Variants in JAKMIP1 observed in about 807,000 individuals in gnomAD.
JAKMIP1 encodes the protein janus kinase and microtubule-interacting protein 1.
In JAKMIP1, 33 loss-of-function variants were observed where a neutral mutation model predicts 113.0. The ratio of observed to expected loss-of-function variants is 0.29; its 90% CI spans 0.22 to 0.39. The LOEUF is 0.39. Among genes scored for constraint, JAKMIP1 ranks in the 10% least tolerant of loss-of-function variants. The pLI is 1.00. For synonymous variants in JAKMIP1, 480 were observed against 459.9 expected (o/e 1.04, Z -0.56); for missense variants, 813 against 1,080.5 (o/e 0.75, Z 3.47).
rs548204889 is a variant in JAKMIP1, at chr4:6,160,883, C to G, written c.-148+39370G>C. Among the ~76,000 whole-genome samples, 4 of 151,578 alleles carry G rather than the reference C, an allele frequency of 2.6e-5. No individual in the cohort carries two copies. The East Asian group carries it at 7.9e-4, about 30-fold the overall frequency. On this transcript the variant is annotated intron_variant, in intron 1 of 20. Transcript: ENST00000409021. ...CCTCCACTGACCTCCCCGACCTCCA[C>G]TCGCCTACCCTGACCTCCACTAACC...
In JAKMIP1 at chr4:6,184,484, C is replaced by G. The variant is rs941512614; in HGVS notation, c.-148+15769G>C. Among the ~76,000 whole-genome samples, 4 of 152,156 alleles carry G rather than the reference C, an allele frequency of 2.6e-5. No homozygotes were observed. The highest frequency in any genetic ancestry group is 9.7e-5 in the African/African-American group (4 of 41,426). On this transcript the variant is annotated intron_variant, in intron 1 of 20. Transcript: ENST00000409021. This position sits in a 1 kb window ranked among gnomAD's most constrained non-coding sequence, Gnocchi z 4.5. ...GGCAAGGCAAGTGCAGTATAAGAGC[C>G]AGGGTGCCTTCCCTCTTCCTCAAGA...
chr4:6,121,623 A>G (rs1195463672), intron 1 of JAKMIP1, among the ~76,000 whole-genome samples: 1 of 152,240 alleles, frequency 6.6e-6, no homozygotes, highest in East Asian at 1.9e-4. Context: ...GCACACAGCA[A>G]ACGTGCAGGA....
Position 6,129,239 on chromosome 4 carries a change from C to A in JAKMIP1, c.-147-16242G>T, listed in dbSNP as rs957535068. Among the ~76,000 whole-genome samples, 2 of 152,174 alleles carry A rather than the reference C, an allele frequency of 1.3e-5. No individual in the cohort carries two copies. The highest frequency in any genetic ancestry group is 4.8e-5 in the African/African-American group (2 of 41,450). On this transcript the variant is annotated intron_variant, in intron 1 of 20. Transcript: ENST00000409021. The surrounding 1 kb of genome is among the most constrained non-coding windows in gnomAD (Gnocchi z 5.4). ...TTCCTGATTCCTTGATAAAAATAGT[C>A]CCCCCTTCTGCAGAATCAAGTACAA...
intron 1 of JAKMIP1, among the ~76,000 whole-genome samples, chr4:6,122,275 G>A (rs7676215): frequency 0.051 from 7,820 of 152,214 alleles, 225 homozygotes; most frequent in Middle Eastern, 0.099. Context: ...GCAGTGAGCC[G>A]AGATCGAACC....
rs1012307105 is a variant in JAKMIP1 at position 6,065,558 on chromosome 4, G to A, written c.1303-550C>T. ...CCATAGTCCTAGTACTCTGACTAGT[G>A]TGGCAAATGTGTGGCCCAAGTCCTG... On this transcript the variant is annotated intron_variant, in intron 8 of 20. Transcript: ENST00000409021. This position sits in a 1 kb window ranked among gnomAD's most constrained non-coding sequence, Gnocchi z 5.1. Among the ~76,000 whole-genome samples the A allele has an allele frequency of 8.5e-5, 13 of 152,244 alleles. No homozygotes were observed. Among genetic ancestry groups the A allele is most frequent in the African/African-American group, 3.1e-4 (13 of 41,466 alleles).
intron 1 of JAKMIP1, among the ~76,000 whole-genome samples, chr4:6,114,488 C>A (rs1366214456): frequency 6.6e-6 from 1 of 152,150 alleles, no homozygotes; most frequent in Non-Finnish European, 1.5e-5. Context: ...ACCAGTGCAT[C>A]CAGCAAGTTG....
rs548012959 is a variant in JAKMIP1 at position 6,194,043 on chromosome 4, G to T, written c.-148+6210C>A. 2.6e-5 allele frequency among the ~76,000 whole-genome samples: 4 copies of T among 152,256 alleles called. No homozygotes were observed. The highest frequency in any genetic ancestry group is 4.1e-4 in the South Asian group (2 of 4,830). ...GAAAATATCAGGCTAAGTGGAAGAA[G>T]CCAGCCACATACGATCTGGTTCTAC... On this transcript the variant is annotated intron_variant, in intron 1 of 20. Coordinates refer to ENST00000409021, the MANE Select transcript of JAKMIP1 (RefSeq NM_001099433.2). The surrounding 1 kb of genome is among the most constrained non-coding windows in gnomAD (Gnocchi z 7.4).
intron 3 of JAKMIP1, among the ~76,000 whole-genome samples, chr4:6,087,034 A>T (rs1721403458): frequency 6.6e-6 from 1 of 152,198 alleles, no homozygotes; most frequent in Non-Finnish European, 1.5e-5. Context: ...TGTCATGTTA[A>T]GCCATGAAGT....
chr4:6,075,031 G>C (rs749778156), intron 8 of JAKMIP1, among the ~76,000 whole-genome samples: 3 of 152,192 alleles, frequency 2.0e-5, no homozygotes, highest in Non-Finnish European at 4.4e-5. Flanking sequence ...TGTTGTTAAG[G>C]AATGCATGAC....
chr4:6,169,587 C>T (rs189844126), intron 1 of JAKMIP1, among the ~76,000 whole-genome samples: 1 of 120,526 alleles, frequency 8.3e-6, no homozygotes, highest in African/African-American at 4.0e-5. Context: ...AAATTTGTTA[C>T]ACCAGCCCTA....
Position 6,065,219 on chromosome 4 carries a change from C to T in JAKMIP1, c.1303-211G>A, listed in dbSNP as rs533514465. Among the ~76,000 whole-genome samples, 24 of 152,274 alleles carry T rather than the reference C, an allele frequency of 1.6e-4. No homozygotes were observed. The Middle Eastern group carries it at 0.01, about 65-fold the overall frequency. ...ATGACCCTAGGGTTTACAGCCTGAG[C>T]GAGCTAGTCTGGCCCTGGTCCTGGC... On this transcript the variant is annotated intron_variant, in intron 8 of 20. Coordinates refer to ENST00000409021, the MANE Select transcript of JAKMIP1 (RefSeq NM_001099433.2). This position sits in a 1 kb window ranked among gnomAD's most constrained non-coding sequence, Gnocchi z 5.1.
intron 1 of JAKMIP1, among the ~76,000 whole-genome samples, chr4:6,166,083 C>T (rs1026836242): frequency 6.6e-6 from 1 of 152,150 alleles, no homozygotes; most frequent in Non-Finnish European, 1.5e-5. Context: ...GATCCTGGTC[C>T]CACTCAGAAA....
At chr4:6,077,482 CTTTTTTTTTTTTTTT>C in intron 8 of JAKMIP1, among the ~76,000 whole-genome samples, 1 of 81,530 alleles carries the variant, frequency 1.2e-5, no homozygotes, top group Non-Finnish European at 2.3e-5. Context: ...ATTTCCTTTC[CTTTTTTTTTTTTTTT>C]TTTTTTTGAG....
intron 4 of JAKMIP1, 58 bp from the exon 5 acceptor site, chr4:6,085,023 T>C (rs1468484321): frequency 2.7e-6 from 4 of 1,500,306 alleles, no homozygotes; most frequent in Non-Finnish European, 3.5e-6. Flanking sequence ...TTTGAAGAAG[T>C]TGTGTGGAGC....
At chr4:6,119,776 A>G (rs1716433558) in intron 1 of JAKMIP1, among the ~76,000 whole-genome samples, 1 of 152,252 alleles carries the variant, frequency 6.6e-6, no homozygotes, top group Non-Finnish European at 1.5e-5. Context: ...AGGTGAGATC[A>G]GAAGGGACCT....
At chr4:6,087,809 GGAT>G (rs1442105706) in intron 3 of JAKMIP1, among the ~76,000 whole-genome samples, 1 of 152,294 alleles carries the variant, frequency 6.6e-6, no homozygotes, top group Non-Finnish European at 1.5e-5. Flanking sequence ...CCATCTGCCA[GGAT>G]GATATCCTGG....
chr4:6,071,847 C>T (rs529390371), intron 8 of JAKMIP1, among the ~76,000 whole-genome samples: 2 of 152,160 alleles, frequency 1.3e-5, no homozygotes, highest in Non-Finnish European at 2.9e-5. Flanking sequence ...ACATCTTCCC[C>T]GAGTCCTTTA....
chr4:6,062,135 C>A (rs116437798), intron 10 of JAKMIP1, among the ~76,000 whole-genome samples, 177 bp downstream of exon 10: 1 of 152,218 alleles, frequency 6.6e-6, no homozygotes, highest in African/African-American at 2.4e-5. Context: ...GCCATCACAC[C>A]GAGGATGCAG....
chr4:6,191,949 T>TTTATTTATTTA (rs1727318958), intron 1 of JAKMIP1, among the ~76,000 whole-genome samples: 3 of 17,716 alleles, frequency 1.7e-4, no homozygotes, highest in African/African-American at 2.3e-4. Context: ...TTATTTATTT[T>TTTATTTATTTA]GAGATGGAGT....
Sources: allele counts gnomAD v4.1 joint callset (sites outside exome capture counted in the v4.1 genomes callset), GRCh38; gene constraint gnomAD v4.1.1; non-coding constraint Gnocchi (gnomAD v3.1); transcripts MANE v1.5; gene names NCBI Gene and HGNC (gene_info 2026-07-23, HGNC 2026-07-21).